VPS35L: variants seen among roughly 807,000 people sequenced by gnomAD.
VPS35L encodes the protein VPS35 endosomal protein sorting factor like.
Under a neutral mutation model 133.0 loss-of-function variants are expected in VPS35L, and 83 were observed. The observed-to-expected ratio is 0.62, with a 90% CI of 0.52 to 0.75. VPS35L has a LOEUF of 0.75. Ranked by LOEUF, VPS35L falls within the 30% of genes least tolerant of loss-of-function variation. VPS35L has a pLI of 0.00. For missense variants in VPS35L, 1,083 were observed against 1,206.8 expected, an observed-to-expected ratio of 0.90 and a Z score of 1.52; for synonymous variants, 423 against 449.9, an observed-to-expected ratio of 0.94 and a Z score of 0.76.
chr16:19,696,007 C>T (rs915592973), intron 29 of VPS35L, among the ~76,000 whole-genome samples: 1 of 152,012 alleles, frequency 6.6e-6, no homozygotes, highest in Admixed American at 6.6e-5. Context: ...CTGCCTCAGG[C>T]TTCCGAGTAG....
rs537442601 is a variant in VPS35L, at chr16:19,651,794, C to T, written c.2107-182C>T. ...TTCCTGCATTATCACTCACTCCCCT[C>T]ACACCCCTGTCCTCCTAGAGGGTCA... On this transcript the variant is annotated intron_variant, in intron 25 of 30. Coordinates refer to ENST00000417362, the MANE Select transcript of VPS35L (RefSeq NM_020314.7). Among the ~76,000 whole-genome samples, 8 of 152,252 alleles carry T rather than the reference C, an allele frequency of 5.3e-5. No individual in the cohort carries two copies. In the East Asian group the frequency reaches 7.7e-4, roughly 15 times the overall value.
intron 7 of VPS35L, among the ~76,000 whole-genome samples, chr16:19,591,303 G>T (rs932501205): frequency 7.9e-5 from 12 of 152,326 alleles, no homozygotes; most frequent in African/African-American, 2.4e-4. Flanking sequence ...GATGAGGACT[G>T]TGATGAGAGA....
chr16:19,565,120 A>G (rs896533328), intron 2 of VPS35L, among the ~76,000 whole-genome samples, 170 bp downstream of exon 2: 22 of 144,712 alleles, frequency 1.5e-4, no homozygotes, highest in African/African-American at 5.2e-4. Flanking sequence ...GTGGTGGCTC[A>G]CTGCAACCTC....
chr16:19,695,399 G>C (rs1204673843), intron 29 of VPS35L, among the ~76,000 whole-genome samples: 2 of 152,198 alleles, frequency 1.3e-5, no homozygotes, highest in Non-Finnish European at 2.9e-5. Context: ...TGGAGAGAGG[G>C]GTTGATGGTG....
chr16:19,616,805 C>T lies in VPS35L; in HGVS notation c.1221C>T (p.Pro407=), dbSNP rs755845833. 21 of 1,614,052 alleles carry T rather than the reference C, an allele frequency of 1.3e-5. No homozygotes were observed. The highest frequency in any genetic ancestry group is 6.7e-5 in the African/African-American group (5 of 74,914). The change falls in exon 14 of 31, where the codon CCC becomes CCT. Residue 407 remains proline, a synonymous_variant. Coordinates refer to ENST00000417362, the MANE Select transcript of VPS35L (RefSeq NM_020314.7). ...TCCAGTGCATCTCCTACCATGCCCC[C>T]GAGGTAACTGCCAGGTGGCTTCAGT... ...WIFQCISYHA[P]EALLTEMMER... is the part of the protein sequence containing the mutation.
intron 29 of VPS35L, among the ~76,000 whole-genome samples, chr16:19,692,759 C>T (rs147251428): frequency 7.9e-5 from 12 of 152,238 alleles, no homozygotes; most frequent in African/African-American, 2.9e-4. Context: ...GATGGGGTTT[C>T]ACCATATTAG....
At chr16:19,655,574 A>G (rs957440689) in intron 26 of VPS35L, among the ~76,000 whole-genome samples, 1 of 152,046 alleles carries the variant, frequency 6.6e-6, no homozygotes, top group African/African-American at 2.4e-5. Flanking sequence ...CCGACAAGTA[A>G]ACTCCTGTTG....
intron 5 of VPS35L, among the ~76,000 whole-genome samples, chr16:19,576,035 A>C (rs1179117261): frequency 2.0e-5 from 3 of 147,836 alleles, no homozygotes; most frequent in Admixed American, 6.8e-5. Context: ...GCATGGTGAC[A>C]GATGCCTGTA....
At position 19,699,631 on chromosome 16, in the gene VPS35L, G is replaced by T. The variant is rs1164565579; in HGVS notation, c.2776G>T (p.Ala926Ser). ...LWHLAQRHGC[A>S]DTRTMVKTLE... The stretch of plus-strand genomic sequence containing the variant: ...GCACCTGGCACAGAGGCACGGCTGT[G>T]CAGACACCAGGACCATGGTGAGGCG... Residue 926 changes from alanine to serine, a missense_variant, in exon 30 of 31, where the codon GCA (alanine) becomes TCA (serine). Transcript: ENST00000417362. The surrounding 1 kb of genome is among the most constrained non-coding windows in gnomAD (Gnocchi z 4.2). 2 of 1,613,828 alleles carry T rather than the reference G, an allele frequency of 1.2e-6. No individual in the cohort carries two copies. Among genetic ancestry groups the T allele is most frequent in the Non-Finnish European group, 1.7e-6 (2 of 1,180,018 alleles).
At chr16:19,565,578 C>T (rs1252388493) in intron 2 of VPS35L, among the ~76,000 whole-genome samples, 1 of 152,232 alleles carries the variant, frequency 6.6e-6, no homozygotes, top group African/African-American at 2.4e-5. Flanking sequence ...GTCTCGAACC[C>T]TTGACCTCAG....
intron 28 of VPS35L, 107 bp downstream of exon 28, chr16:19,682,497 C>A: frequency 8.1e-7 from 1 of 1,238,616 alleles, no homozygotes; most frequent in Admixed American, 2.4e-5. Flanking sequence ...ATTTTAGCTT[C>A]CATGAACTTC....
chr16:19,637,662 T>G lies in VPS35L; in HGVS notation c.1698+6T>G, dbSNP rs1415308285. The G allele has an allele frequency of 1.3e-6, 2 of 1,561,352 alleles. No homozygotes were observed. The highest frequency in any genetic ancestry group is 1.4e-5 in the African/African-American group (1 of 73,008). ...TCTCAGTTCTTTTCTCAGTGGTAAG[T>G]AGGATTTCTTAATTATCTTTGGAAA... is the stretch of plus-strand genomic sequence containing the variant. On this transcript the variant is annotated splice_donor_region_variant and intron_variant, in intron 20 of 30. Transcript: ENST00000417362.
At chr16:19,571,799 C>A (rs1971393961) in intron 3 of VPS35L, among the ~76,000 whole-genome samples, 1 of 151,736 alleles carries the variant, frequency 6.6e-6, no homozygotes, top group African/African-American at 2.4e-5. Context: ...CCCACATTGG[C>A]CTCCCAAAGT....
At chr16:19,673,115 G>T (rs893852271) in intron 27 of VPS35L, among the ~76,000 whole-genome samples, 9 of 152,340 alleles carry the variant, frequency 5.9e-5, no homozygotes, top group Admixed American at 3.3e-4. Context: ...AATGACTCCT[G>T]TGAGGGTTAA....
At chr16:19,637,709 C>G (rs1254457775) in intron 20 of VPS35L, 53 bp downstream of exon 20, 58 of 1,268,484 alleles carry the variant, frequency 4.6e-5, no homozygotes, top group Non-Finnish European at 6.2e-5. Flanking sequence ...CTCAGAGGTT[C>G]TCATTGTCTC....
chr16:19,582,894 ACAGTGGCTCACATCTGTAATCC>A (rs1971752511), intron 7 of VPS35L, among the ~76,000 whole-genome samples: 1 of 152,184 alleles, frequency 6.6e-6, no homozygotes, highest in East Asian at 1.9e-4. Context: ...AAGGCTGGGC[ACAGTGGCTCACATCTGTAATCC>A]CAGCATGTTG....
intron 8 of VPS35L, among the ~76,000 whole-genome samples, chr16:19,593,473 G>A (rs746602441): frequency 9.2e-5 from 14 of 152,182 alleles, no homozygotes; most frequent in Non-Finnish European, 1.8e-4. Flanking sequence ...CCAAGAGACC[G>A]GAGGCCTGAG....
intron 2 of VPS35L, 95 bp from the exon 3 acceptor site, chr16:19,569,329 T>G (rs1971286734): frequency 7.2e-7 from 1 of 1,398,214 alleles, no homozygotes; most frequent in Non-Finnish European, 1.0e-6. Context: ...GAACCATCCA[T>G]TCAACTACCA....
chr16:19,599,881 C>CA (rs904963682), intron 8 of VPS35L, among the ~76,000 whole-genome samples: 6 of 152,084 alleles, frequency 3.9e-5, no homozygotes, highest in Admixed American at 1.3e-4. Context: ...CCCATCTCTA[C>CA]AAAAAAATAA....
Sources: gnomAD v4.1 joint callset for allele counts (sites outside exome capture counted in the v4.1 genomes callset) on GRCh38, gnomAD v4.1.1 for gene constraint, Gnocchi (gnomAD v3.1) non-coding constraint, MANE v1.5 for transcripts, NCBI Gene and HGNC (gene_info 2026-07-23, HGNC 2026-07-21) for gene names.